The following ZNF710 variants were observed in gnomAD, a reference collection of about 807,000 sequenced individuals.
ZNF710 encodes zinc finger protein 710.
Under a neutral mutation model 50.6 loss-of-function variants are expected in ZNF710, and 13 were observed. The observed-to-expected ratio is 0.26, with a 90% CI of 0.17 to 0.41. The LOEUF (loss-of-function observed/expected upper bound fraction) is 0.41, where lower values mean the gene tolerates loss of function less well. Among genes scored for constraint, ZNF710 ranks in the 10% least tolerant of loss-of-function variants. The pLI is 1.00. For missense variants in ZNF710, 721 were observed against 936.6 expected, an observed-to-expected ratio of 0.77 and a Z score of 3.01; for synonymous variants, 383 against 397.0, an observed-to-expected ratio of 0.96 and a Z score of 0.42.
chr15:90,031,339 G>T (rs989371161), intron 1 of ZNF710, among the ~76,000 whole-genome samples: 2 of 152,292 alleles, frequency 1.3e-5, no homozygotes, highest in Non-Finnish European at 2.9e-5. Flanking sequence ...AGCATCACCC[G>T]GGAGCTTATT....
chr15:90,066,474 ATTTT>A (rs71461840), intron 1 of ZNF710, among the ~76,000 whole-genome samples: 49 of 120,524 alleles, frequency 4.1e-4, no homozygotes, highest in African/African-American at 1.3e-3. Flanking sequence ...ATTTTTAAGG[ATTTT>A]TTTTTTTTTT....
At chr15:90,045,714 TGAG>T (rs1899438377) in intron 1 of ZNF710, among the ~76,000 whole-genome samples, 1 of 151,856 alleles carries the variant, frequency 6.6e-6, no homozygotes, top group Non-Finnish European at 1.5e-5. Context: ...GAGTAGAGCT[TGAG>T]GAGGTGATGG....
At chr15:90,050,022 G>A (rs999887489) in intron 1 of ZNF710, among the ~76,000 whole-genome samples, 1 of 152,232 alleles carries the variant, frequency 6.6e-6, no homozygotes, top group Non-Finnish European at 1.5e-5. Context: ...CGCTGCTCCT[G>A]CCTGCCTCTG....
chr15:90,018,519 T>C (rs971228820), intron 1 of ZNF710, among the ~76,000 whole-genome samples: 1 of 152,206 alleles, frequency 6.6e-6, no homozygotes, highest in Non-Finnish European at 1.5e-5. Flanking sequence ...CCACCTAGAT[T>C]AACAAATCTC....
intron 1 of ZNF710, among the ~76,000 whole-genome samples, chr15:90,053,125 T>C (rs16943851): frequency 0.12 from 18,666 of 152,222 alleles, 3,368 homozygotes; most frequent in African/African-American, 0.39. Flanking sequence ...TGAATTTTGC[T>C]TTCTTTACTC....
intron 1 of ZNF710, among the ~76,000 whole-genome samples, chr15:90,061,653 C>T (rs1215472779): frequency 9.9e-5 from 15 of 152,172 alleles, no homozygotes. Context: ...CACCCTGATC[C>T]CACCCGACCC....
At chr15:90,033,203 G>C (rs149377957) in intron 1 of ZNF710, among the ~76,000 whole-genome samples, 1 of 152,180 alleles carries the variant, frequency 6.6e-6, no homozygotes, top group South Asian at 2.1e-4. Context: ...CTCGAACAGC[G>C]TGTGGGCCAG....
chr15:90,035,236 G>T (rs1899085159), intron 1 of ZNF710, among the ~76,000 whole-genome samples: 1 of 152,240 alleles, frequency 6.6e-6, no homozygotes, highest in African/African-American at 2.4e-5. Context: ...GAGACATGAG[G>T]CAATGGTCTT....
At position 90,082,005 on chromosome 15, in the gene ZNF710, A is replaced by C. The variant is rs528940853; in HGVS notation, c.*2176A>C. The C allele has an allele frequency of 4.9e-4, 75 of 152,334 alleles. No individual in the cohort carries two copies. The highest frequency in any genetic ancestry group is 1.7e-3 in the African/African-American group (72 of 41,576). 9.4% of individuals were successfully genotyped at this position (152,334 alleles called of 1,614,324 possible). A position where few individuals can be genotyped will look rare whatever the true frequency, so the allele number is the denominator to read the frequency against. ...GTCTGTACCCCTCCCTAACCTTCTC[A>C]AAAGAGGTGCACAGCCTCTCGGGTG... On this transcript the variant is annotated 3_prime_UTR_variant, in exon 5 of 5. Coordinates refer to ENST00000268154, the MANE Select transcript of ZNF710 (RefSeq NM_198526.4).
chr15:90,049,640 C>T (rs1899575785), intron 1 of ZNF710, among the ~76,000 whole-genome samples: 1 of 152,170 alleles, frequency 6.6e-6, no homozygotes, highest in African/African-American at 2.4e-5. Flanking sequence ...GCTGAGCTGA[C>T]CACGTTGGGT....
At chr15:90,011,406 G>A (rs181296153) in intron 1 of ZNF710, among the ~76,000 whole-genome samples, 14 of 152,228 alleles carry the variant, frequency 9.2e-5, no homozygotes, top group African/African-American at 2.9e-4. Flanking sequence ...ACCGTGCCTG[G>A]CCTGAAAGGC....
chr15:90,061,505 G>A (rs1015545128), intron 1 of ZNF710, among the ~76,000 whole-genome samples: 5 of 152,258 alleles, frequency 3.3e-5, no homozygotes, highest in Non-Finnish European at 7.4e-5. Flanking sequence ...CTGGTGGTGG[G>A]AACTAGTCAA....
Position 90,070,932 on chromosome 15 carries a change from A to G in ZNF710, c.1459-2139A>G, listed in dbSNP as rs114289488. Among the ~76,000 whole-genome samples, 768 of 152,314 alleles carry G rather than the reference A, an allele frequency of 5.0e-3. 5 individuals are homozygous for G. Among genetic ancestry groups the G allele is most frequent in the African/African-American group, 0.017 (695 of 41,574 alleles). On this transcript the variant is annotated intron_variant, in intron 2 of 4. Coordinates refer to ENST00000268154, the MANE Select transcript of ZNF710 (RefSeq NM_198526.4). ...CAGGGTGACAGCATATATGCTATAT[A>G]TTTGCCATCTTTCTCCTCTACTGGG...
rs185060290 is a variant in ZNF710 at position 90,079,821 on chromosome 15, G to A, written c.1987G>A (p.Val663Met). ...QAMKEMAYYN[V>M]L is the part of the protein sequence containing the mutation. ...CATGAAAGAGATGGCCTACTACAAT[G>A]TGCTATAGCGCAAGCTGGGCCACCC... is the stretch of plus-strand genomic sequence containing the variant. Residue 663 changes from valine (V) to methionine (M), a missense_variant, in exon 5 of 5, where the codon GTG (valine) becomes ATG (methionine). Physicochemically the swap from Val to Met is conservative, Grantham distance 21. Transcript: ENST00000268154. 8.8e-6 allele frequency: 14 copies of A among 1,594,448 alleles called. No individual in the cohort carries two copies. In the East Asian group the frequency reaches 1.4e-4, roughly 16 times the overall value.
rs1444431935 is a variant in ZNF710 at position 90,081,975 on chromosome 15, C to G, written c.*2146C>G. 2.0e-5 allele frequency: 3 copies of G among 152,332 alleles called. No homozygotes were observed. The highest frequency in any genetic ancestry group is 4.4e-5 in the Non-Finnish European group (3 of 68,144). The allele number at this position is 152,332 out of a possible 1,614,324, so 9.4% of individuals were successfully genotyped here. A position where few individuals can be genotyped will look rare whatever the true frequency, so the allele number is the denominator to read the frequency against. ...GAGCTGGGGGGTGGTCTTGGCAAGG[C>G]TCCTGTCTGTACCCCTCCCTAACCT... On this transcript the variant is annotated 3_prime_UTR_variant, in exon 5 of 5. Transcript: ENST00000268154.
In ZNF710 at chr15:90,074,225, A is replaced by G; in HGVS notation, c.1760A>G (p.Lys587Arg). The G allele has an allele frequency of 6.2e-7, 1 of 1,613,366 alleles. No individual in the cohort carries two copies. Among genetic ancestry groups the G allele is most frequent in the Non-Finnish European group, 8.5e-7 (1 of 1,179,754 alleles). ...CPYCSSKFNL[K>R]GNLSRHMKVK... Reference sequence around the variant, plus strand: ...TACTGCTCCAGCAAGTTTAATCTCAAGGGCAACCTGAGCCGGCACATGAAG... The same window carrying G: ...TACTGCTCCAGCAAGTTTAATCTCAGGGGCAACCTGAGCCGGCACATGAAG... The change falls in exon 4 of 5, where the codon AAG (lysine) becomes AGG (arginine). Residue 587 changes from lysine (K) to arginine (R), a missense_variant. By Grantham distance (26) the Lys-to-Arg change is conservative. This residue lies in a region of ZNF710 where 326 missense variants were observed against 522.0 expected (regional missense o/e 0.62). Transcript: ENST00000268154.
intron 1 of ZNF710, among the ~76,000 whole-genome samples, chr15:90,054,359 A>G (rs1465689508): frequency 6.6e-6 from 1 of 152,048 alleles, no homozygotes; most frequent in Admixed American, 6.6e-5. Flanking sequence ...CTTGGTGAGG[A>G]GGAAGGGAAG....
intron 1 of ZNF710, among the ~76,000 whole-genome samples, chr15:90,060,401 A>AAAATTAGACAGGTGTGGTGGC (rs1899970247): frequency 6.6e-6 from 1 of 152,174 alleles, no homozygotes; most frequent in Non-Finnish European, 1.5e-5. Context: ...AAAACAATGT[A>AAAATTAGACAGGTGTGGTGGC]AAATTAGACA....
At chr15:90,027,151 A>C (rs1200694932) in intron 1 of ZNF710, among the ~76,000 whole-genome samples, 1 of 152,244 alleles carries the variant, frequency 6.6e-6, no homozygotes, top group Non-Finnish European at 1.5e-5. Context: ...AACCAATAGC[A>C]AAAGTCATCA....
Sources: allele counts gnomAD v4.1 joint callset (sites outside exome capture counted in the v4.1 genomes callset), GRCh38; gene constraint gnomAD v4.1.1; regional missense constraint gnomAD v4.1.1; transcripts MANE v1.5; gene names NCBI Gene and HGNC (gene_info 2026-07-23, HGNC 2026-07-21).